Variants in SORCS1 observed in about 807,000 individuals in gnomAD.
The protein encoded by SORCS1 is sortilin related VPS10 domain containing receptor 1.
A neutral mutation model predicts 146.1 loss-of-function variants in SORCS1; 60 were observed. The ratio of observed to expected loss-of-function variants is 0.41; its 90% CI spans 0.33 to 0.51. The LOEUF (loss-of-function observed/expected upper bound fraction) is 0.51, where lower values mean the gene tolerates loss of function less well. SORCS1 is among the 20% of genes least tolerant of loss of function. The pLI is 0.21. For missense variants in SORCS1, 1,352 were observed against 1,487.6 expected, an observed-to-expected ratio of 0.91 and a Z score of 1.50; for synonymous variants, 637 against 584.0, an observed-to-expected ratio of 1.09 and a Z score of -1.31.
At chr10:106,876,289 A>T (rs918436548) in intron 2 of SORCS1, among the ~76,000 whole-genome samples, 2 of 152,144 alleles carry the variant, frequency 1.3e-5, no homozygotes, top group African/African-American at 4.8e-5. Context: ...TTCAACTTGA[A>T]CTGTAGTTAG....
chr10:107,029,553 G>T (rs1202493668), intron 1 of SORCS1, among the ~76,000 whole-genome samples: 1 of 152,164 alleles, frequency 6.6e-6, no homozygotes, highest in Non-Finnish European at 1.5e-5. Context: ...AGTGAAAGGA[G>T]AGCCACTTCA....
At chr10:106,644,142 T>C (rs977833413) in intron 18 of SORCS1, among the ~76,000 whole-genome samples, 18 of 152,200 alleles carry the variant, frequency 1.2e-4, no homozygotes, top group African/African-American at 4.3e-4. Flanking sequence ...ATATTTTATA[T>C]GGATTTCTGA....
Position 106,795,403 on chromosome 10 carries a change from T to C in SORCS1, c.727-18711A>G, listed in dbSNP as rs1946508759. Reference sequence around the variant, plus strand: ...CCCTTTTTGGTACATAGTAGATACTTAACAGTTATCAACTCATTCTTAGAA... The same window carrying C: ...CCCTTTTTGGTACATAGTAGATACTCAACAGTTATCAACTCATTCTTAGAA... On this transcript the variant is annotated intron_variant, in intron 3 of 25. Transcript: ENST00000263054. 2.0e-5 allele frequency among the ~76,000 whole-genome samples: 3 copies of C among 152,202 alleles called. No individual in the cohort carries two copies. In the South Asian group the frequency reaches 6.2e-4, roughly 31 times the overall value.
intron 2 of SORCS1, among the ~76,000 whole-genome samples, chr10:106,897,744 G>A (rs1216157286): frequency 6.6e-6 from 1 of 152,104 alleles, no homozygotes; most frequent in Non-Finnish European, 1.5e-5. Context: ...CAGAACTAAA[G>A]GGGCCAAAAT....
At chr10:106,797,022 G>A (rs555171895) in intron 3 of SORCS1, among the ~76,000 whole-genome samples, 3 of 152,122 alleles carry the variant, frequency 2.0e-5, no homozygotes, top group Admixed American at 6.5e-5. Flanking sequence ...CAGGAGACTC[G>A]CTTGAACCTG....
chr10:106,695,684 C>A (rs1035705733), intron 9 of SORCS1, among the ~76,000 whole-genome samples: 2 of 148,978 alleles, frequency 1.3e-5, no homozygotes, highest in African/African-American at 5.0e-5. Context: ...AAAATATTAG[C>A]CATTATTAAT....
chr10:106,830,110 T>G (rs1424168655), intron 2 of SORCS1, among the ~76,000 whole-genome samples: 5 of 152,100 alleles, frequency 3.3e-5, no homozygotes, highest in Admixed American at 3.3e-4. Flanking sequence ...ATATGGTGGG[T>G]CAGTCCCTTC....
At chr10:107,153,016 G>A (rs180931479) in intron 1 of SORCS1, among the ~76,000 whole-genome samples, 1 of 151,682 alleles carries the variant, frequency 6.6e-6, no homozygotes, top group African/African-American at 2.4e-5. Context: ...CTTTCCTTCT[G>A]TCTCTCTCTG....
At position 106,679,440 on chromosome 10, in the gene SORCS1, T is replaced by C. The variant is rs569292471; in HGVS notation, c.1664-108A>G. The C allele has an allele frequency of 2.8e-5, 29 of 1,022,580 alleles. No homozygotes were observed. The African/African-American group carries it at 3.3e-4, about 12-fold the overall frequency. 63.3% of individuals were successfully genotyped at this position (1,022,580 alleles called of 1,614,324 possible). On this transcript the variant is annotated intron_variant, in intron 11 of 25. Transcript: ENST00000263054. Reference sequence around the variant, plus strand: ...AAAGATTTTGACTGCAAGCATTCTGTCTGTGCAGGGGTTTTCTGCAGACTT... The same window carrying C: ...AAAGATTTTGACTGCAAGCATTCTGCCTGTGCAGGGGTTTTCTGCAGACTT...
intron 2 of SORCS1, among the ~76,000 whole-genome samples, chr10:106,861,848 C>G (rs1218575924): frequency 6.6e-6 from 1 of 152,148 alleles, no homozygotes. Flanking sequence ...AAGATTGTGC[C>G]ACTGCACTCC....
intron 22 of SORCS1, 80 bp from the exon 23 acceptor site, chr10:106,607,377 C>T (rs1377268368): frequency 6.4e-7 from 1 of 1,552,000 alleles, no homozygotes; most frequent in African/African-American, 1.4e-5. Context: ...GTGGGGGGAT[C>T]AGGGGTAGGC....
intron 18 of SORCS1, among the ~76,000 whole-genome samples, chr10:106,650,916 T>C (rs1400836805): frequency 1.3e-5 from 2 of 152,142 alleles, no homozygotes; most frequent in Admixed American, 1.3e-4. Flanking sequence ...GCTCTAAATA[T>C]ATACGCATAT....
At chr10:106,962,009 G>T (rs1299817834) in intron 1 of SORCS1, among the ~76,000 whole-genome samples, 1 of 152,158 alleles carries the variant, frequency 6.6e-6, no homozygotes, top group Non-Finnish European at 1.5e-5. Context: ...CAATTGTGGG[G>T]TTCACCTGCT....
intron 2 of SORCS1, among the ~76,000 whole-genome samples, chr10:106,838,540 C>T (rs1948884948): frequency 6.6e-6 from 1 of 152,158 alleles, no homozygotes; most frequent in South Asian, 2.1e-4. Context: ...CACTTGACAT[C>T]ATAGAGAATA....
chr10:106,766,291 A>T (rs1859568432), intron 4 of SORCS1, among the ~76,000 whole-genome samples: 1 of 152,136 alleles, frequency 6.6e-6, no homozygotes, highest in African/African-American at 2.4e-5. Context: ...TCATCCTAAT[A>T]CTGCCCTGGG....
chr10:106,610,899 T>A (rs1846937196), intron 22 of SORCS1, among the ~76,000 whole-genome samples: 1 of 152,060 alleles, frequency 6.6e-6, no homozygotes, highest in South Asian at 2.1e-4. Flanking sequence ...GCCAACATGG[T>A]GACACCCGTC....
intron 1 of SORCS1, among the ~76,000 whole-genome samples, chr10:106,973,041 G>A (rs770324197): frequency 1.8e-4 from 27 of 152,272 alleles, no homozygotes; most frequent in African/African-American, 6.5e-4. Flanking sequence ...TGAGATCTCC[G>A]TGGATTCCAC....
intron 18 of SORCS1, among the ~76,000 whole-genome samples, chr10:106,637,167 C>A (rs1848777564): frequency 6.6e-6 from 1 of 152,158 alleles, no homozygotes; most frequent in Admixed American, 6.5e-5. Context: ...TAATAGTAAA[C>A]TGAGCTTTTC....
intron 19 of SORCS1, among the ~76,000 whole-genome samples, chr10:106,628,384 A>G (rs576512831): frequency 6.6e-6 from 1 of 152,328 alleles, no homozygotes; most frequent in African/African-American, 2.4e-5. Flanking sequence ...AGGCTCTTGG[A>G]CTAAAACTTG....
Sources: allele counts gnomAD v4.1 joint callset (sites outside exome capture counted in the v4.1 genomes callset), GRCh38; gene constraint gnomAD v4.1.1; transcripts MANE v1.5; gene names NCBI Gene and HGNC (gene_info 2026-07-23, HGNC 2026-07-21).